The following LINGO2 variants were observed in gnomAD, a reference collection of about 807,000 sequenced individuals.
The protein encoded by LINGO2 is leucine-rich repeat and immunoglobulin-like domain-containing nogo receptor-interacting protein 2.
A neutral mutation model predicts 30.6 loss-of-function variants in LINGO2; 14 were observed. That is an observed-to-expected ratio of 0.46 (90% CI 0.30 to 0.72). The LOEUF (loss-of-function observed/expected upper bound fraction) is 0.72, where lower values mean the gene tolerates loss of function less well. Among genes scored for constraint, LINGO2 ranks in the 30% least tolerant of loss-of-function variants. The pLI, the probability that LINGO2 is intolerant of heterozygous loss-of-function variation, is 0.07. For missense variants in LINGO2, 729 were observed against 751.7 expected, an observed-to-expected ratio of 0.97 and a Z score of 0.35; for synonymous variants, 317 against 288.5, an observed-to-expected ratio of 1.10 and a Z score of -1.00.
At chr9:28,504,538 GT>G (rs1338761496) in intron 1 of LINGO2, among the ~76,000 whole-genome samples, 2 of 151,610 alleles carry the variant, frequency 1.3e-5, no homozygotes, top group African/African-American at 4.8e-5. Flanking sequence ...TAACATGATT[GT>G]TTAAAATGTT....
At chr9:28,415,916 G>A (rs1361279289) in intron 2 of LINGO2, among the ~76,000 whole-genome samples, 1 of 152,078 alleles carries the variant, frequency 6.6e-6, no homozygotes, top group African/African-American at 2.4e-5. Context: ...TGTGATCTCT[G>A]TTATATTCAG....
At chr9:28,624,352 A>G (rs915433012) in intron 1 of LINGO2, among the ~76,000 whole-genome samples, 36 of 151,896 alleles carry the variant, frequency 2.4e-4, no homozygotes, top group Admixed American at 7.2e-4. Context: ...TGTTTTTTCT[A>G]TATCTAGTTT....
intron 4 of LINGO2, among the ~76,000 whole-genome samples, chr9:28,259,473 C>T (rs72709334): frequency 0.018 from 2,778 of 151,694 alleles, 53 homozygotes; most frequent in African/African-American, 0.043. Flanking sequence ...ATTTTACTTG[C>T]CGATAGCTTG....
chr9:28,174,966 G>A (rs1423805807), intron 4 of LINGO2, among the ~76,000 whole-genome samples: 2 of 151,722 alleles, frequency 1.3e-5, no homozygotes, highest in Admixed American at 1.3e-4. Flanking sequence ...GAGAGAAAGA[G>A]ACAGAGACCC....
chr9:28,716,556 T>C, the LINGO2 span, among the ~76,000 whole-genome samples: 8 of 152,188 alleles, frequency 5.3e-5, no homozygotes, highest in Non-Finnish European at 1.0e-4. Context: ...TATAGTTTCC[T>C]TTAAAGCAAG....
intron 1 of LINGO2, among the ~76,000 whole-genome samples, chr9:28,512,758 C>A (rs1300772153): frequency 2.7e-5 from 4 of 150,496 alleles, no homozygotes. Context: ...TGTCTTCAAG[C>A]TGAAGAGCAA....
the LINGO2 span, among the ~76,000 whole-genome samples, chr9:28,758,691 G>C: frequency 2.6e-5 from 4 of 152,184 alleles, no homozygotes; most frequent in Non-Finnish European, 5.9e-5. Context: ...TTTAGGTAGA[G>C]TACATCTTAA....
chr9:28,475,078 A>C (rs1207432210), intron 2 of LINGO2, among the ~76,000 whole-genome samples: 2 of 152,132 alleles, frequency 1.3e-5, no homozygotes, highest in African/African-American at 2.4e-5. Context: ...GCTCTAATAC[A>C]TCCAGAGAGC....
At chr9:28,632,435 G>A (rs1262921243) in intron 1 of LINGO2, among the ~76,000 whole-genome samples, 3 of 151,118 alleles carry the variant, frequency 2.0e-5, no homozygotes, top group African/African-American at 7.3e-5. Context: ...AGAACAAGAG[G>A]ATATTCATAA....
chr9:28,107,218 T>TC (rs937481012), intron 4 of LINGO2, among the ~76,000 whole-genome samples: 2 of 152,208 alleles, frequency 1.3e-5, no homozygotes, highest in African/African-American at 4.8e-5. Flanking sequence ...TTGGGGTCTT[T>TC]CCCCCACTAG....
At chr9:28,672,897 A>G (rs1379346131), upstream of LINGO2, among the ~76,000 whole-genome samples, 1 of 152,154 alleles carries the variant, frequency 6.6e-6, no homozygotes, top group Non-Finnish European at 1.5e-5. Context: ...AATTTTAACT[A>G]AGACTCAATA....
In LINGO2 at chr9:28,028,864, C is replaced by G. The variant is rs78990751; in HGVS notation, c.-86-16459G>C. 5.7e-3 allele frequency among the ~76,000 whole-genome samples: 871 copies of G among 152,188 alleles called. 4 individuals are homozygous for G. The highest frequency in any genetic ancestry group is 0.01 in the Middle Eastern group (3 of 294). On this transcript the variant is annotated intron_variant, in intron 4 of 5. Coordinates refer to ENST00000379992, the Ensembl canonical transcript of LINGO2. Reference sequence around the variant, plus strand: ...GAAAGCATATATATAAGTATACAGACACACACAAGCACACATTTGTAATCA... The same window carrying G: ...GAAAGCATATATATAAGTATACAGAGACACACAAGCACACATTTGTAATCA...
intron 1 of LINGO2, among the ~76,000 whole-genome samples, chr9:28,610,701 A>G (rs555623366): frequency 1.3e-4 from 20 of 152,178 alleles, no homozygotes; most frequent in Admixed American, 3.9e-4. Context: ...AATTTCTATC[A>G]TTTATAAATA....
chr9:27,958,696 T>C (rs1319543258), intron 5 of LINGO2, among the ~76,000 whole-genome samples: 1 of 152,108 alleles, frequency 6.6e-6, no homozygotes, highest in Non-Finnish European at 1.5e-5. Context: ...AAAAACATAG[T>C]ATTTGTAGGG....
chr9:28,743,883 T>C, the LINGO2 span, among the ~76,000 whole-genome samples: 77 of 151,888 alleles, frequency 5.1e-4, no homozygotes, highest in East Asian at 0.014. Context: ...CTTCCCAGGA[T>C]TTATTTGTAA....
At chr9:28,834,488 T>C in the LINGO2 span, among the ~76,000 whole-genome samples, 5 of 152,316 alleles carry the variant, frequency 3.3e-5, no homozygotes, top group African/African-American at 1.2e-4. Context: ...TTAAACTGAC[T>C]TCGTGTTTGT....
At chr9:28,025,364 G>A (rs768252723) in intron 4 of LINGO2, among the ~76,000 whole-genome samples, 1 of 152,136 alleles carries the variant, frequency 6.6e-6, no homozygotes. Flanking sequence ...GTGCATTTCG[G>A]CTTTTGGCCA....
chr9:28,125,619 A>C (rs560112975), intron 4 of LINGO2, among the ~76,000 whole-genome samples: 1 of 152,258 alleles, frequency 6.6e-6, no homozygotes, highest in East Asian at 1.9e-4. Flanking sequence ...TCCCTGGAAT[A>C]GGAGAGGTTT....
chr9:28,353,080 A>G (rs1334154875), intron 3 of LINGO2, among the ~76,000 whole-genome samples: 1 of 150,856 alleles, frequency 6.6e-6, no homozygotes, highest in Non-Finnish European at 1.5e-5. Flanking sequence ...ACCATTCAGG[A>G]CATAGGCATG....
Sources: allele counts gnomAD v4.1 joint callset (sites outside exome capture counted in the v4.1 genomes callset), GRCh38; gene constraint gnomAD v4.1.1; transcripts MANE v1.5; gene names NCBI Gene and HGNC (gene_info 2026-07-23, HGNC 2026-07-21).